Variants in SYT2 observed in about 807,000 individuals in gnomAD.
The protein encoded by SYT2 is synaptotagmin 2, also known as synaptotagmin-2.
A neutral mutation model predicts 39.9 loss-of-function variants in SYT2; 15 were observed. The ratio of observed to expected loss-of-function variants is 0.38; its 90% confidence interval spans 0.25 to 0.58. The LOEUF (loss-of-function observed/expected upper bound fraction) is 0.58. SYT2 is among the 20% of genes least tolerant of loss of function. The pLI, the probability that SYT2 is intolerant of heterozygous loss-of-function variation, is 0.70. For synonymous variants in SYT2, 181 were observed against 204.5 expected (o/e 0.89, Z 0.98); for missense variants, 389 against 530.3 (o/e 0.73, Z 2.62).
At chr1:202,620,715 CCTAAA>C (rs1284119397) in intron 1 of SYT2, among the ~76,000 whole-genome samples, 1 of 151,958 alleles carries the variant, frequency 6.6e-6, no homozygotes, top group Non-Finnish European at 1.5e-5. Flanking sequence ...AGTTCTTGTA[CCTAAA>C]CTAAAGGGAG....
intron 1 of SYT2, among the ~76,000 whole-genome samples, chr1:202,699,552 A>T (rs1157717262): frequency 6.6e-6 from 1 of 152,178 alleles, no homozygotes; most frequent in Non-Finnish European, 1.5e-5. Flanking sequence ...CCTTTCTGGG[A>T]CTATTTTTCT....
chr1:202,654,928 G>A (rs1692253586), intron 1 of SYT2, among the ~76,000 whole-genome samples: 1 of 152,162 alleles, frequency 6.6e-6, no homozygotes, highest in African/African-American at 2.4e-5. Context: ...GTTCAAGAAA[G>A]AAGAGAAAAA....
intron 1 of SYT2, 135 bp downstream of exon 1, chr1:202,710,123 C>T (rs1654359931): frequency 6.6e-6 from 1 of 152,304 alleles, no homozygotes; most frequent in Non-Finnish European, 1.5e-5. Flanking sequence ...TCCCGGCCCC[C>T]TTGGCCTCAA....
At chr1:202,669,415 G>C (rs1692540630) in intron 1 of SYT2, among the ~76,000 whole-genome samples, 1 of 151,916 alleles carries the variant, frequency 6.6e-6, no homozygotes. Context: ...ACTTTGGGAG[G>C]CCGAGGCGGG....
intron 1 of SYT2, among the ~76,000 whole-genome samples, chr1:202,685,712 G>A (rs572603311): frequency 1.3e-5 from 2 of 152,222 alleles, no homozygotes; most frequent in African/African-American, 2.4e-5. Context: ...AAACTACACC[G>A]AGTGTTTTAT....
rs766954333 is a variant in SYT2 at position 202,614,977 on chromosome 1, A to G, written c.-17-9188T>C. ...GGGCAGGGGTAACATGTACAAATGTATATTTTAAAAGTTTCGCTTTGGCTG... is the reference window on the plus strand; with the variant it reads ...GGGCAGGGGTAACATGTACAAATGTGTATTTTAAAAGTTTCGCTTTGGCTG... On this transcript the variant is annotated intron_variant, in intron 1 of 8. Coordinates refer to ENST00000367268, the MANE Select transcript of SYT2 (RefSeq NM_177402.5). This position sits in a 1 kb window ranked among gnomAD's most constrained non-coding sequence, Gnocchi z 4.0. Among the ~76,000 whole-genome samples the G allele has an allele frequency of 3.3e-5, 5 of 152,236 alleles. No homozygotes were observed. The highest frequency in any genetic ancestry group is 2.0e-4 in the Admixed American group (3 of 15,284).
At position 202,602,506 on chromosome 1, in the gene SYT2, G is replaced by T; in HGVS notation, c.505C>A (p.Leu169Met). ...GVLQAAELPA[L>M]DMGGTSDPYV... ...GGGTCTGAGGTGCCTCCCATGTCCA[G>T]GGCAGGCAGTTCAGCAGCCTGCAGA... The change falls in exon 5 of 9, where the codon CTG becomes ATG. Residue 169 changes from leucine to methionine, a missense_variant. This residue lies in a region of SYT2 where 280 missense variants were observed against 335.6 expected (regional missense o/e 0.83). Transcript: ENST00000367268. The T allele has an allele frequency of 6.2e-7, 1 of 1,613,960 alleles. No homozygotes were observed. The highest frequency in any genetic ancestry group is 1.1e-5 in the South Asian group (1 of 91,080).
At chr1:202,624,603 G>GGT (rs1350324134) in intron 1 of SYT2, among the ~76,000 whole-genome samples, 1 of 147,570 alleles carries the variant, frequency 6.8e-6, no homozygotes, top group Non-Finnish European at 1.5e-5. Flanking sequence ...GTATCTGTGT[G>GGT]GTGTGTGTGG....
In SYT2 at chr1:202,601,796, C is replaced by T; in HGVS notation, c.801+94G>A. 2 of 1,399,612 alleles carry T rather than the reference C, an allele frequency of 1.4e-6. No homozygotes were observed. The highest frequency in any genetic ancestry group is 2.0e-6 in the Non-Finnish European group (2 of 1,016,612). The allele number at this position is 1,399,612 out of a possible 1,614,324, so 86.7% of individuals were successfully genotyped here. On this transcript the variant is annotated intron_variant, in intron 6 of 8. Transcript: ENST00000367268. This position sits in a 1 kb window ranked among gnomAD's most constrained non-coding sequence, Gnocchi z 4.0. ...TGGGATCCTAACACAGGTCGTCTGC[C>T]TCCAAAGCCCACCCTGTTTCCATCA... is the stretch of plus-strand genomic sequence containing the variant.
chr1:202,644,849 C>T (rs1334963837), intron 1 of SYT2, among the ~76,000 whole-genome samples: 1 of 151,932 alleles, frequency 6.6e-6, no homozygotes, highest in African/African-American at 2.4e-5. Flanking sequence ...GCATCCCCTG[C>T]CCCAGGACAT....
intron 8 of SYT2, among the ~76,000 whole-genome samples, chr1:202,597,193 G>A (rs921336050): frequency 3.9e-5 from 6 of 152,218 alleles, no homozygotes; most frequent in Non-Finnish European, 5.9e-5. Flanking sequence ...CTGTGCTCTA[G>A]ACCCTGTTAA....
chr1:202,689,629 CAG>C (rs1390056657), intron 1 of SYT2, among the ~76,000 whole-genome samples: 1 of 152,102 alleles, frequency 6.6e-6, no homozygotes, highest in African/African-American at 2.4e-5. Context: ...GGTTGTTCTA[CAG>C]AGTTATTTTG....
intron 1 of SYT2, among the ~76,000 whole-genome samples, chr1:202,629,254 C>A (rs1421464446): frequency 6.6e-6 from 1 of 152,192 alleles, no homozygotes; most frequent in Non-Finnish European, 1.5e-5. Context: ...TGATGCCCAC[C>A]TCTGGGCCAA....
intron 1 of SYT2, among the ~76,000 whole-genome samples, chr1:202,627,305 C>T (rs1691444847): frequency 6.6e-6 from 1 of 152,206 alleles, no homozygotes; most frequent in Admixed American, 6.5e-5. Flanking sequence ...TTCCTGCCAG[C>T]TCCCAGAGGA....
chr1:202,627,360 G>A (rs1691445963), intron 1 of SYT2: 1 of 710,696 alleles, frequency 1.4e-6, no homozygotes, highest in African/African-American at 1.9e-5. Flanking sequence ...GAGGAGGTGG[G>A]GGATCTCACC....
chr1:202,625,233 CTGTGTGGTGTG>C (rs536412362), intron 1 of SYT2, among the ~76,000 whole-genome samples: 979 of 55,088 alleles, frequency 0.018, 13 homozygotes, highest in Non-Finnish European at 0.024. Context: ...TGTGCTGTGT[CTGTGTGGTGTG>C]TGTGTGGTGT....
chr1:202,682,914 T>C (rs1258797846), intron 1 of SYT2, among the ~76,000 whole-genome samples: 20 of 152,036 alleles, frequency 1.3e-4, no homozygotes, highest in Admixed American at 1.2e-3. Flanking sequence ...AAGAAGAAGA[T>C]GACCTAGTAG....
intron 1 of SYT2, among the ~76,000 whole-genome samples, chr1:202,668,280 A>T (rs1692518116): frequency 6.6e-6 from 1 of 152,228 alleles, no homozygotes; most frequent in South Asian, 2.1e-4. Context: ...TGGTTAAGAC[A>T]CATGTCTGCT....
intron 1 of SYT2, among the ~76,000 whole-genome samples, chr1:202,638,246 C>G (rs952769818): frequency 1.3e-5 from 2 of 152,150 alleles, no homozygotes; most frequent in Non-Finnish European, 2.9e-5. Flanking sequence ...TTTGCCCCTC[C>G]TCCCCCCCAG....
Sources: gnomAD v4.1 joint callset for allele counts (sites outside exome capture counted in the v4.1 genomes callset) on GRCh38, gnomAD v4.1.1 for gene constraint, gnomAD v4.1.1 regional missense constraint, Gnocchi (gnomAD v3.1) non-coding constraint, MANE v1.5 for transcripts, NCBI Gene and HGNC (gene_info 2026-07-23, HGNC 2026-07-21) for gene names.